The following MYH13 variants were observed in gnomAD, a reference collection of about 807,000 sequenced individuals.
MYH13 encodes the protein myosin heavy chain 13.
Under a neutral mutation model 232.1 loss-of-function variants are expected in MYH13, and 177 were observed. The observed-to-expected ratio is 0.76, with a 90% CI of 0.67 to 0.86. The LOEUF (loss-of-function observed/expected upper bound fraction) is 0.86. Among genes scored for constraint, MYH13 ranks in the 40% least tolerant of loss-of-function variants. The pLI is 0.00. For missense variants in MYH13, 2,246 were observed against 2,405.9 expected, an observed-to-expected ratio of 0.93 and a Z score of 1.39; for synonymous variants, 884 against 923.5, an observed-to-expected ratio of 0.96 and a Z score of 0.78.
intron 34 of MYH13, 41 bp downstream of exon 34, chr17:10,309,481 T>C (rs1240918983): frequency 6.2e-7 from 1 of 1,601,536 alleles, no homozygotes; most frequent in East Asian, 2.2e-5. Flanking sequence ...CCTGGCAGGC[T>C]GGGGCCCGTC....
At chr17:10,334,521 A>G (rs1308123553) in intron 18 of MYH13, among the ~76,000 whole-genome samples, 1 of 152,188 alleles carries the variant, frequency 6.6e-6, no homozygotes, top group African/African-American at 2.4e-5. Context: ...CATTTCTGAA[A>G]GTCCTATCAG....
chr17:10,338,952 C>T (rs544925857), intron 18 of MYH13, among the ~76,000 whole-genome samples: 182 of 152,250 alleles, frequency 1.2e-3, no homozygotes, highest in African/African-American at 4.1e-3. Flanking sequence ...CCACCCGACT[C>T]GGCCTCCCAA....
intron 20 of MYH13, 132 bp downstream of exon 20, chr17:10,331,967 C>T: frequency 8.9e-7 from 1 of 1,127,590 alleles, no homozygotes. Context: ...ACACAGAGCT[C>T]CCCTTACCTG....
chr17:10,303,564 G>T (rs1028288241), intron 37 of MYH13, 66 bp from the exon 38 acceptor site: 2 of 1,384,146 alleles, frequency 1.4e-6, no homozygotes, highest in African/African-American at 1.4e-5. Context: ...TGGACTCATG[G>T]GCCAATCATT....
intron 2 of MYH13, among the ~76,000 whole-genome samples, chr17:10,370,860 G>A (rs903878785): frequency 2.0e-5 from 3 of 152,186 alleles, no homozygotes; most frequent in African/African-American, 7.2e-5. Context: ...CATGGGTGCA[G>A]ACTCTGCTCA....
At position 10,345,621 on chromosome 17, in the gene MYH13, A is replaced by C; in HGVS notation, c.1264-5T>G. ...AGCACCCACCGAATTGGTCACCTTG[A>C]AAAAGGATCACCCACTCAACCCTTG... On this transcript the variant is annotated splice_polypyrimidine_tract_variant and splice_region_variant and intron_variant, in intron 13 of 40. Coordinates refer to ENST00000252172, the MANE Select transcript of MYH13 (RefSeq NM_003802.3). The C allele has an allele frequency of 6.2e-7, 1 of 1,614,208 alleles. No individual in the cohort carries two copies. Among genetic ancestry groups the C allele is most frequent in the Non-Finnish European group, 8.5e-7 (1 of 1,180,036 alleles).
Position 10,320,638 on chromosome 17 carries a change from G to A in MYH13, c.3112-142C>T, listed in dbSNP as rs573758856. On this transcript the variant is annotated intron_variant, in intron 24 of 40. Coordinates refer to ENST00000252172, the MANE Select transcript of MYH13 (RefSeq NM_003802.3). Reference sequence around the variant, plus strand: ...TGCAAGCCTCTGGCCCCAGGAGGAAGCAAGTCTTGCCCCTACCTCCCCTCT... The same window carrying A: ...TGCAAGCCTCTGGCCCCAGGAGGAAACAAGTCTTGCCCCTACCTCCCCTCT... 69 of 891,402 alleles carry A rather than the reference G, an allele frequency of 7.7e-5. 1 individual carries two copies. In the South Asian group the frequency reaches 1.0e-3, roughly 14 times the overall value. The allele number at this position is 891,402 out of a possible 1,614,324, so 55.2% of individuals were successfully genotyped here.
chr17:10,345,440 A>G (rs1371104032), intron 14 of MYH13, 27 bp downstream of exon 14: 2 of 1,614,132 alleles, frequency 1.2e-6, no homozygotes, highest in African/African-American at 1.3e-5. Context: ...AGCAAAGCAG[A>G]CAAGAAAGTA....
chr17:10,316,423 T>C lies in MYH13; in HGVS notation c.3739-398A>G, dbSNP rs561195405. ...TTGCAGTGAGCCGAGATCATGCCAT[T>C]GCACTCTAGCCTTGGCGGCAAGAGT... is the stretch of plus-strand genomic sequence containing the variant. On this transcript the variant is annotated intron_variant, in intron 27 of 40. Coordinates refer to ENST00000252172, the MANE Select transcript of MYH13 (RefSeq NM_003802.3). Among the ~76,000 whole-genome samples the C allele has an allele frequency of 1.2e-4, 19 of 152,110 alleles. No homozygotes were observed. In the South Asian group the frequency reaches 3.7e-3, roughly 30 times the overall value.
chr17:10,341,499 C>T (rs1426029733), intron 16 of MYH13: 1 of 152,166 alleles, frequency 6.6e-6, no homozygotes, highest in Non-Finnish European at 1.5e-5. Flanking sequence ...CAGGAAACAA[C>T]CCAATTTGCC....
intron 8 of MYH13, 136 bp downstream of exon 8, chr17:10,357,599 G>T: frequency 1.4e-6 from 1 of 704,204 alleles, no homozygotes; most frequent in Non-Finnish European, 2.4e-6. Context: ...ATTCCAGGTG[G>T]GTAGATTGAT....
chr17:10,343,383 A>T (rs908229681), intron 16 of MYH13, among the ~76,000 whole-genome samples: 2 of 152,032 alleles, frequency 1.3e-5, no homozygotes, highest in Non-Finnish European at 2.9e-5. Flanking sequence ...TTTTTAGTAG[A>T]GATGGGGTTT....
In MYH13 at chr17:10,354,844, T is replaced by C. The variant is rs549513285; in HGVS notation, c.901+51A>G. 4.9e-4 allele frequency: 789 copies of C among 1,600,056 alleles called. 4 individuals carry two copies. In the African/African-American group the frequency reaches 9.7e-3, roughly 20 times the overall value. ...ATAACTTACTCTGGGTTGTTTTTTT[T>C]TTCCCAACGTCACCGATTTGGAACA... On this transcript the variant is annotated intron_variant, in intron 10 of 40. Transcript: ENST00000252172.
chr17:10,368,462 A>C (rs946299386), intron 2 of MYH13, among the ~76,000 whole-genome samples: 1 of 152,230 alleles, frequency 6.6e-6, no homozygotes, highest in Non-Finnish European at 1.5e-5. Context: ...ACACAAATGC[A>C]CATGTGCTTT....
chr17:10,360,213 CA>C, intron 5 of MYH13, 25 bp from the exon 6 acceptor site: 1 of 1,609,158 alleles, frequency 6.2e-7, no homozygotes, highest in Non-Finnish European at 8.5e-7. Flanking sequence ...GGAAGCAAAA[CA>C]AAACAAATAA....
intron 18 of MYH13, among the ~76,000 whole-genome samples, chr17:10,336,508 C>A (rs983994129): frequency 1.4e-4 from 21 of 152,318 alleles, no homozygotes; most frequent in African/African-American, 5.0e-4. Context: ...TCAGGAGAGA[C>A]TGCCCTTCCC....
intron 20 of MYH13, among the ~76,000 whole-genome samples, chr17:10,331,604 G>A (rs911849340): frequency 2.0e-5 from 3 of 152,092 alleles, no homozygotes; most frequent in Admixed American, 6.6e-5. Flanking sequence ...TTGAGACAGG[G>A]CTTCACTTTG....
At chr17:10,334,231 G>C (rs62058075) in intron 18 of MYH13, among the ~76,000 whole-genome samples, 33,171 of 151,978 alleles carry the variant, frequency 0.22, 4,315 homozygotes, top group Non-Finnish European at 0.29. Context: ...GGGAGTGGTG[G>C]GGCCAAGGCT....
chr17:10,319,044 A>C lies in MYH13; in HGVS notation c.3484T>G (p.Ser1162Ala). ...ERLEEASGAT[S>A]AQIEMNKKRE... ...TTCTTGTTCATCTCAATCTGGGCTG[A>C]AGTGGCCCCACTGGCTTCTTCCAGC... The change falls in exon 27 of 41, where the codon TCA becomes GCA. Residue 1162 changes from serine (S) to alanine (A), a missense_variant. Transcript: ENST00000252172. 1 of 1,614,082 alleles carries C rather than the reference A, an allele frequency of 6.2e-7. No homozygotes were observed. The highest frequency in any genetic ancestry group is 1.1e-5 in the South Asian group (1 of 91,090).
Sources: gnomAD v4.1 joint callset for allele counts (sites outside exome capture counted in the v4.1 genomes callset) on GRCh38, gnomAD v4.1.1 for gene constraint, MANE v1.5 for transcripts, NCBI Gene and HGNC (gene_info 2026-07-23, HGNC 2026-07-21) for gene names.